The following CCDC170 variants were observed in gnomAD, a reference collection of about 807,000 sequenced individuals.
CCDC170 encodes coiled-coil domain containing 170, also known as coiled-coil domain-containing protein 170.
CCDC170 carries 69 observed loss-of-function variants against 72.6 expected under a neutral mutation model. The ratio of observed to expected loss-of-function variants is 0.95; its 90% CI spans 0.78 to 1.16. The LOEUF (loss-of-function observed/expected upper bound fraction) is 1.16. CCDC170 is among the 50% of genes most tolerant of loss of function. CCDC170 has a pLI of 0.00. For synonymous variants in CCDC170, 300 were observed against 303.9 expected (o/e 0.99, Z 0.13); for missense variants, 852 against 832.5 (o/e 1.02, Z -0.29).
At chr6:151,572,643 C>T (rs1246259000) in intron 5 of CCDC170, among the ~76,000 whole-genome samples, 3 of 41,698 alleles carry the variant, frequency 7.2e-5, no homozygotes, top group Non-Finnish European at 1.3e-4. Flanking sequence ...TATATCCCTT[C>T]TCTGTGTTTT....
At chr6:151,497,985 C>T (rs1198404428) in intron 1 of CCDC170, among the ~76,000 whole-genome samples, 2 of 147,644 alleles carry the variant, frequency 1.4e-5, no homozygotes, top group Non-Finnish European at 1.5e-5. Flanking sequence ...AGAAAAGTGA[C>T]CTAATTATAA....
intron 9 of CCDC170, among the ~76,000 whole-genome samples, chr6:151,602,894 A>T (rs1281905173): frequency 6.7e-6 from 1 of 150,248 alleles, no homozygotes; most frequent in African/African-American, 2.5e-5. Context: ...TCCACCTCCC[A>T]GGTTCAAGCG....
Position 151,494,109 on chromosome 6 carries a change from GC to G in CCDC170, c.-15del, listed in dbSNP as rs1335078018. On this transcript the variant is annotated 5_prime_UTR_variant, in exon 1 of 11. Transcript: ENST00000239374. ...CAGGGCCGGTTCCGGGTCCGAGCGCGCCCCCGGGCTCGGGTCGTCATGAGCC... is the reference window on the plus strand; with the variant it reads ...CAGGGCCGGTTCCGGGTCCGAGCGCGCCCCGGGCTCGGGTCGTCATGAGCC... 2.7e-6 allele frequency: 4 copies of G among 1,492,238 alleles called. No homozygotes were observed. The highest frequency in any genetic ancestry group is 2.7e-6 in the Non-Finnish European group (3 of 1,128,034). The allele number at this position is 1,492,238 out of a possible 1,614,324, so 92.4% of individuals were successfully genotyped here.
Position 151,518,746 on chromosome 6 carries a change from G to T in CCDC170, c.58-17572G>T, listed in dbSNP as rs116091216. On this transcript the variant is annotated intron_variant, in intron 1 of 10. Coordinates refer to ENST00000239374, the MANE Select transcript of CCDC170 (RefSeq NM_025059.4). ...AAAGAGTACAGAGAGGAATTTTACA[G>T]CTGGGCCTCCATGGGTGACATCACA... 9.3e-3 allele frequency among the ~76,000 whole-genome samples: 1,411 copies of T among 152,316 alleles called. 26 individuals are homozygous for T. The highest frequency in any genetic ancestry group is 0.032 in the African/African-American group (1,326 of 41,550).
intron 5 of CCDC170, among the ~76,000 whole-genome samples, chr6:151,551,515 G>C (rs183223128): frequency 6.6e-6 from 1 of 152,306 alleles, no homozygotes; most frequent in East Asian, 1.9e-4. Context: ...GTTATAAAAA[G>C]GCTGTGGCTT....
intron 5 of CCDC170, among the ~76,000 whole-genome samples, chr6:151,568,513 C>T (rs1157751366): frequency 2.6e-5 from 4 of 152,168 alleles, no homozygotes; most frequent in African/African-American, 4.8e-5. Context: ...TAAAATTCCC[C>T]GGTGTTTTCA....
Position 151,586,039 on chromosome 6 carries a change from C to G in CCDC170, c.1243C>G (p.Leu415Val). The change falls in exon 7 of 11, where the codon CTG (leucine) becomes GTG (valine). Residue 415 changes from leucine (L) to valine (V), a missense_variant. Transcript: ENST00000239374. Reference protein sequence around the residue: ...QGQLTHLEAELVSGGVLRDNL... With the variant: ...QGQLTHLEAEVVSGGVLRDNL... ...TCAGCTGACACACCTGGAGGCAGAG[C>G]TGGTTTCTGGAGGTGTTTTGCGAGA... The G allele has an allele frequency of 6.2e-7, 1 of 1,614,172 alleles. No individual in the cohort carries two copies. Among genetic ancestry groups the G allele is most frequent in the Non-Finnish European group, 8.5e-7 (1 of 1,180,008 alleles).
At chr6:151,606,914 G>C (rs1776794980) in intron 9 of CCDC170, among the ~76,000 whole-genome samples, 2 of 151,674 alleles carry the variant, frequency 1.3e-5, no homozygotes, top group Non-Finnish European at 2.9e-5. Context: ...TGTTTTCTAA[G>C]TATAGCTAGT....
At chr6:151,499,722 T>C (rs1183439875) in intron 1 of CCDC170, among the ~76,000 whole-genome samples, 1 of 152,250 alleles carries the variant, frequency 6.6e-6, no homozygotes, top group Non-Finnish European at 1.5e-5. Flanking sequence ...ACTGGCTTAT[T>C]TCACTTAGCA....
At position 151,561,689 on chromosome 6, in the gene CCDC170, T is replaced by G. The variant is rs76923796; in HGVS notation, c.775-11485T>G. On this transcript the variant is annotated intron_variant, in intron 5 of 10. Transcript: ENST00000239374. ...TGGATAGTCTGATAACTATATGCCT[T>G]GGGAATGGTCTTCTTGTATACTATC... 5.7e-3 allele frequency among the ~76,000 whole-genome samples: 875 copies of G among 152,218 alleles called. 22 individuals are homozygous for G. The highest frequency in any genetic ancestry group is 0.032 in the Admixed American group (489 of 15,304).
intron 5 of CCDC170, among the ~76,000 whole-genome samples, chr6:151,562,177 T>C (rs1226796249): frequency 1.3e-5 from 2 of 152,176 alleles, no homozygotes; most frequent in Admixed American, 1.3e-4. Context: ...TGTTATTGAG[T>C]TTCCTTGCAA....
intron 1 of CCDC170, among the ~76,000 whole-genome samples, chr6:151,506,797 G>C (rs1011381199): frequency 3.9e-5 from 6 of 152,158 alleles, no homozygotes; most frequent in Non-Finnish European, 8.8e-5. Context: ...TCTGTAATGT[G>C]GGTGGGCCTC....
chr6:151,505,279 C>T (rs1032763179), intron 1 of CCDC170, among the ~76,000 whole-genome samples: 6 of 152,132 alleles, frequency 3.9e-5, no homozygotes, highest in African/African-American at 1.2e-4. Context: ...AGAGGGCAGG[C>T]GGCATCTCAG....
chr6:151,553,713 C>A (rs1057428570), intron 5 of CCDC170, among the ~76,000 whole-genome samples: 9 of 151,550 alleles, frequency 5.9e-5, no homozygotes, highest in Admixed American at 1.3e-4. Flanking sequence ...GAAGTTCCTG[C>A]CAAAATCATA....
At position 151,553,731 on chromosome 6, in the gene CCDC170, T is replaced by TA. The variant is rs977574171; in HGVS notation, c.774+5253dup. On this transcript the variant is annotated intron_variant, in intron 5 of 10. Coordinates refer to ENST00000239374, the MANE Select transcript of CCDC170 (RefSeq NM_025059.4). ...GTTCCTGCCAAAATCATAAAAATTGTAAAAAAAAAAATTATATGGGCAATA... is the reference window on the plus strand; with the variant it reads ...GTTCCTGCCAAAATCATAAAAATTGTAAAAAAAAAAAATTATATGGGCAATA... Among the ~76,000 whole-genome samples the TA allele has an allele frequency of 5.7e-3, 836 of 147,882 alleles. 2 individuals are homozygous for TA. The highest frequency in any genetic ancestry group is 9.3e-3 in the Non-Finnish European group (619 of 66,574).
At chr6:151,572,943 C>T (rs77941944) in intron 5 of CCDC170, among the ~76,000 whole-genome samples, 7,837 of 151,966 alleles carry the variant, frequency 0.052, 299 homozygotes, top group East Asian at 0.21. Flanking sequence ...TGAGCCACCA[C>T]GCCTGGCCCC....
intron 1 of CCDC170, among the ~76,000 whole-genome samples, chr6:151,509,015 C>A (rs1782104150): frequency 4.7e-5 from 6 of 126,780 alleles, no homozygotes; most frequent in Admixed American, 7.9e-5. Flanking sequence ...AACTCCTTCT[C>A]AAAAAAAAAA....
intron 3 of CCDC170, among the ~76,000 whole-genome samples, chr6:151,542,380 C>G (rs530445374): frequency 6.0e-4 from 91 of 152,138 alleles, no homozygotes; most frequent in African/African-American, 2.1e-3. Context: ...GCCACTACAC[C>G]CAGCTGATTT....
intron 5 of CCDC170, among the ~76,000 whole-genome samples, chr6:151,569,672 G>A (rs1776191342): frequency 6.6e-6 from 1 of 152,198 alleles, no homozygotes; most frequent in South Asian, 2.1e-4. Flanking sequence ...CCTTGAGGTA[G>A]CCATGGAACC....
Sources: allele counts gnomAD v4.1 joint callset (sites outside exome capture counted in the v4.1 genomes callset), GRCh38; gene constraint gnomAD v4.1.1; transcripts MANE v1.5; gene names NCBI Gene and HGNC (gene_info 2026-07-23, HGNC 2026-07-21).